DLG2: variants seen among roughly 807,000 people sequenced by gnomAD.
DLG2 encodes the protein discs large MAGUK scaffold protein 2.
DLG2 carries 45 observed loss-of-function variants against 132.5 expected under a neutral mutation model. That is an observed-to-expected ratio of 0.34 (90% confidence interval 0.27 to 0.44). DLG2 has a LOEUF of 0.44. Ranked by LOEUF, DLG2 falls within the 20% of genes least tolerant of loss-of-function variation. DLG2 has a pLI of 1.00. For missense variants in DLG2, 1,045 were observed against 1,196.9 expected (o/e 0.87, Z 1.87); for synonymous variants, 424 against 419.6 (o/e 1.01, Z -0.13).
At chr11:84,098,631 T>C (rs1207863254) in intron 10 of DLG2, among the ~76,000 whole-genome samples, 1 of 152,208 alleles carries the variant, frequency 6.6e-6, no homozygotes, top group African/African-American at 2.4e-5. Context: ...TTCATATTTA[T>C]GTTCTTTCCA....
intron 21 of DLG2, among the ~76,000 whole-genome samples, chr11:83,514,577 G>A (rs2095212377): frequency 6.6e-6 from 1 of 152,168 alleles, no homozygotes; most frequent in Non-Finnish European, 1.5e-5. Flanking sequence ...TTGAATAGGA[G>A]TGGTGAGAGA....
chr11:85,081,266 A>G (rs1210371917), intron 6 of DLG2, among the ~76,000 whole-genome samples: 10 of 152,212 alleles, frequency 6.6e-5, no homozygotes, highest in African/African-American at 2.4e-4. Context: ...CATCATGAGT[A>G]AACTCTATAT....
At chr11:84,768,610 CTA>C (rs2153883412) in intron 6 of DLG2, among the ~76,000 whole-genome samples, 2 of 152,126 alleles carry the variant, frequency 1.3e-5, no homozygotes, top group East Asian at 3.9e-4. Context: ...ACATGCAGTG[CTA>C]GGTGGATTCA....
chr11:84,442,409 T>C lies in DLG2; in HGVS notation c.519+92161A>G, dbSNP rs117949748. Reference sequence around the variant, plus strand: ...TGGATGAAGGTGGAAACCATCATTCTTAGCAAAGTAACACAGGAACAGAAA... The same window carrying C: ...TGGATGAAGGTGGAAACCATCATTCCTAGCAAAGTAACACAGGAACAGAAA... On this transcript the variant is annotated intron_variant, in intron 7 of 27. Coordinates refer to ENST00000376104, the MANE Select transcript of DLG2 (RefSeq NM_001142699.3). Among the ~76,000 whole-genome samples the C allele has an allele frequency of 9.1e-3, 1,380 of 152,228 alleles. 6 individuals carry two copies. The highest frequency in any genetic ancestry group is 0.015 in the Non-Finnish European group (1,048 of 68,014).
intron 7 of DLG2, among the ~76,000 whole-genome samples, chr11:84,315,953 T>A (rs2098349801): frequency 6.6e-6 from 1 of 152,188 alleles, no homozygotes. Flanking sequence ...ACAGCTTTTC[T>A]TCAATACATA....
intron 21 of DLG2, among the ~76,000 whole-genome samples, chr11:83,529,166 T>C (rs1035584269): frequency 2.0e-5 from 3 of 152,124 alleles, no homozygotes; most frequent in Admixed American, 2.0e-4. Flanking sequence ...CCTATTATCC[T>C]TCTCATTCCA....
chr11:84,849,366 A>G (rs2081906045), intron 6 of DLG2, among the ~76,000 whole-genome samples: 1 of 152,192 alleles, frequency 6.6e-6, no homozygotes, highest in Non-Finnish European at 1.5e-5. Flanking sequence ...CTTCTCATTA[A>G]CAGATAGAAT....
chr11:83,479,290 T>C (rs544764102), intron 22 of DLG2, among the ~76,000 whole-genome samples: 1 of 151,952 alleles, frequency 6.6e-6, no homozygotes, highest in East Asian at 1.9e-4. Context: ...CCAAAGCCTT[T>C]CTTAAAAATC....
At chr11:84,735,516 A>T (rs934989554) in intron 6 of DLG2, among the ~76,000 whole-genome samples, 2 of 151,376 alleles carry the variant, frequency 1.3e-5, no homozygotes, top group Non-Finnish European at 2.9e-5. Flanking sequence ...CATCTATTTG[A>T]TTCTTCTCTG....
chr11:84,232,213 C>T (rs765975217), intron 8 of DLG2, among the ~76,000 whole-genome samples: 1 of 152,002 alleles, frequency 6.6e-6, no homozygotes, highest in Non-Finnish European at 1.5e-5. Context: ...AGCCACTGCA[C>T]TTCCCTCCCC....
intron 21 of DLG2, among the ~76,000 whole-genome samples, chr11:83,524,884 T>G (rs1213807386): frequency 6.6e-6 from 1 of 152,198 alleles, no homozygotes; most frequent in Non-Finnish European, 1.5e-5. Context: ...AACTGAAATA[T>G]ATTGTAAACA....
At chr11:83,903,983 ATAAC>A (rs2074116306) in intron 15 of DLG2, among the ~76,000 whole-genome samples, 1 of 152,214 alleles carries the variant, frequency 6.6e-6, no homozygotes, top group South Asian at 2.1e-4. Context: ...ATTAACAACA[ATAAC>A]TAATAATAAA....
At chr11:84,363,933 T>G (rs1156619039) in intron 7 of DLG2, among the ~76,000 whole-genome samples, 1 of 152,182 alleles carries the variant, frequency 6.6e-6, no homozygotes, top group Non-Finnish European at 1.5e-5. Context: ...TAGTTTGAAG[T>G]CAGGTAGCAT....
intron 7 of DLG2, among the ~76,000 whole-genome samples, chr11:84,254,368 TTCCA>T (rs1483463843): frequency 6.6e-6 from 1 of 152,194 alleles, no homozygotes; most frequent in Non-Finnish European, 1.5e-5. Flanking sequence ...AATTTAGTCT[TTCCA>T]AGAAGACTGT....
chr11:85,209,879 T>A (rs983735072), intron 4 of DLG2, among the ~76,000 whole-genome samples: 2 of 152,106 alleles, frequency 1.3e-5, no homozygotes, highest in African/African-American at 4.8e-5. Context: ...TGGTCCTCTG[T>A]CACACCAAGC....
At chr11:83,676,110 G>C (rs2077644046) in intron 18 of DLG2, among the ~76,000 whole-genome samples, 1 of 152,116 alleles carries the variant, frequency 6.6e-6, no homozygotes, top group Non-Finnish European at 1.5e-5. Context: ...TCCTACCTAA[G>C]CTTTAGAATG....
chr11:85,180,355 T>C (rs1025207469), intron 4 of DLG2, among the ~76,000 whole-genome samples: 1 of 151,874 alleles, frequency 6.6e-6, no homozygotes, highest in African/African-American at 2.4e-5. Context: ...TTAAACTTTT[T>C]TTAATGAGCC....
intron 15 of DLG2, among the ~76,000 whole-genome samples, chr11:83,909,786 A>G (rs2075719237): frequency 1.3e-5 from 2 of 152,174 alleles, no homozygotes; most frequent in Admixed American, 6.6e-5. Context: ...CCCTGGAGAC[A>G]GTATTGCTCA....
intron 4 of DLG2, among the ~76,000 whole-genome samples, chr11:85,229,637 G>T (rs922224157): frequency 1.1e-4 from 17 of 151,856 alleles, no homozygotes; most frequent in African/African-American, 3.6e-4. Flanking sequence ...ATCCCACTAG[G>T]GGGTATACAC....
Sources: allele counts gnomAD v4.1 joint callset (sites outside exome capture counted in the v4.1 genomes callset), GRCh38; gene constraint gnomAD v4.1.1; transcripts MANE v1.5; gene names NCBI Gene and HGNC (gene_info 2026-07-23, HGNC 2026-07-21).